Variants in MMD2 observed in about 807,000 individuals in gnomAD.
MMD2 encodes monocyte to macrophage differentiation factor 2.
Under a neutral mutation model 33.5 loss-of-function variants are expected in MMD2, and 30 were observed. The observed-to-expected ratio is 0.90, with a 90% CI of 0.67 to 1.22. MMD2 has a LOEUF of 1.22. Ranked by LOEUF, MMD2 falls within the 50% of genes most tolerant of loss-of-function variation. MMD2 has a pLI of 0.00. For missense variants in MMD2, 364 were observed against 325.4 expected, an observed-to-expected ratio of 1.12 and a Z score of -0.91; for synonymous variants, 129 against 123.0, an observed-to-expected ratio of 1.05 and a Z score of -0.32.
the MMD2 span, among the ~76,000 whole-genome samples, chr7:4,899,235 C>T: frequency 6.6e-6 from 1 of 152,086 alleles, no homozygotes; most frequent in Non-Finnish European, 1.5e-5. Flanking sequence ...GAAATAAATT[C>T]CTGTTGTTTA....
At position 4,914,506 on chromosome 7, in the gene MMD2, GGTTT is replaced by G. The variant is rs1392130520; in HGVS notation, c.365+1495_365+1498del. On this transcript the variant is annotated intron_variant, in intron 4 of 6. Coordinates refer to ENST00000401401, the MANE Select transcript of MMD2 (RefSeq NM_198403.4). ...AACCTTCAATATTTATTTGGTTTTCGGTTTGTTTGTTTTTGTCCCCAACAAAGAG... is the reference window on the plus strand; with the variant it reads ...AACCTTCAATATTTATTTGGTTTTCGGTTTGTTTTTGTCCCCAACAAAGAG... Among the ~76,000 whole-genome samples, 5 of 152,118 alleles carry G rather than the reference GGTTT, an allele frequency of 3.3e-5. No individual in the cohort carries two copies. The South Asian group carries it at 1.0e-3, about 32-fold the overall frequency.
At chr7:4,920,363 A>G (rs754572589) in intron 2 of MMD2, 32 bp from the exon 3 acceptor site, 28 of 1,592,496 alleles carry the variant, frequency 1.8e-5, no homozygotes, top group Non-Finnish European at 2.4e-5. Flanking sequence ...GGACAGGTGC[A>G]GCAGCTGGGT....
At chr7:4,895,247 T>C in the MMD2 span, among the ~76,000 whole-genome samples, 13 of 152,188 alleles carry the variant, frequency 8.5e-5, no homozygotes, top group Non-Finnish European at 1.5e-5. Flanking sequence ...TGGCTAATTT[T>C]TGTATTTTTA....
chr7:4,926,209 C>T lies in MMD2; in HGVS notation c.48-677G>A, dbSNP rs368756296. Among the ~76,000 whole-genome samples, 518 of 151,844 alleles carry T rather than the reference C, an allele frequency of 3.4e-3. 3 individuals carry two copies. The highest frequency in any genetic ancestry group is 0.012 in the African/African-American group (478 of 41,414). On this transcript the variant is annotated intron_variant, in intron 1 of 6. Coordinates refer to ENST00000401401, the MANE Select transcript of MMD2 (RefSeq NM_198403.4). ...ACCTCCTGGGCTCAAGTGATCCTCCCGCCTCAGCCTCCTGAGATGCTGGGA... is the reference window on the plus strand; with the variant it reads ...ACCTCCTGGGCTCAAGTGATCCTCCTGCCTCAGCCTCCTGAGATGCTGGGA...
chr7:4,912,966 A>G (rs951251573), intron 4 of MMD2, among the ~76,000 whole-genome samples: 6 of 152,170 alleles, frequency 3.9e-5, no homozygotes, highest in Admixed American at 3.3e-4. Context: ...GGCCTGCCAA[A>G]GTGCTGGGAT....
chr7:4,955,235 A>G (rs895475862), intron 1 of MMD2, among the ~76,000 whole-genome samples: 2 of 152,186 alleles, frequency 1.3e-5, no homozygotes, highest in African/African-American at 4.8e-5. Flanking sequence ...GCCATGCACC[A>G]ACACCATACT....
chr7:4,903,462 G>C (rs1253541022), downstream of MMD2, among the ~76,000 whole-genome samples: 2 of 152,028 alleles, frequency 1.3e-5, no homozygotes, highest in African/African-American at 4.8e-5. Context: ...AAAGGAGAAG[G>C]CTCAACGCCA....
Position 4,945,599 on chromosome 7 carries a change from A to C in MMD2, c.47+13372T>G, listed in dbSNP as rs370488214. Among the ~76,000 whole-genome samples, 5 of 141,918 alleles carry C rather than the reference A, an allele frequency of 3.5e-5. No homozygotes were observed. The South Asian group carries it at 9.1e-4, about 26-fold the overall frequency. The allele number at this position is 141,918 out of a possible 152,430, so 93.1% of individuals were successfully genotyped here. A position where few individuals can be genotyped will look rare whatever the true frequency, so the allele number is the denominator to read the frequency against. On this transcript the variant is annotated intron_variant, in intron 1 of 6. Coordinates refer to ENST00000401401, the MANE Select transcript of MMD2 (RefSeq NM_198403.4). ...CCCTTTCTCCCTTCCTTTCCTTTGG[A>C]GATCTCACTCTGCCGCCCAGGCTGG...
intron 4 of MMD2, among the ~76,000 whole-genome samples, chr7:4,915,571 C>G (rs1004147260): frequency 5.9e-5 from 9 of 151,922 alleles, no homozygotes; most frequent in Non-Finnish European, 8.8e-5. Context: ...GAAACCCCGT[C>G]TCTACTAAAA....
chr7:4,897,272 T>A, the MMD2 span, among the ~76,000 whole-genome samples: 1 of 146,032 alleles, frequency 6.8e-6, no homozygotes, highest in South Asian at 2.2e-4. Context: ...GAGTGAGACA[T>A]CTTGATTTTT....
At chr7:4,898,831 A>G in the MMD2 span, among the ~76,000 whole-genome samples, 2 of 152,112 alleles carry the variant, frequency 1.3e-5, no homozygotes, top group Non-Finnish European at 2.9e-5. Context: ...CCTAGGAGGC[A>G]GAGGTTGCAG....
chr7:4,935,049 G>A (rs527829417), intron 1 of MMD2, among the ~76,000 whole-genome samples: 2 of 152,240 alleles, frequency 1.3e-5, no homozygotes, highest in South Asian at 2.1e-4. Context: ...AGCCAGGCAT[G>A]GTGGCGCACA....
At chr7:4,948,787 T>C (rs745902836) in intron 1 of MMD2, among the ~76,000 whole-genome samples, 86 of 152,292 alleles carry the variant, frequency 5.6e-4, no homozygotes, top group Non-Finnish European at 1.1e-3. Context: ...AATACATTTT[T>C]GTGTTTTTTT....
chr7:4,902,975 T>C (rs1364240863), downstream of MMD2, among the ~76,000 whole-genome samples: 2 of 152,174 alleles, frequency 1.3e-5, no homozygotes, highest in African/African-American at 4.8e-5. Flanking sequence ...TGGTGGCTCA[T>C]GCCTATAATC....
chr7:4,910,207 C>T (rs1784971766), intron 5 of MMD2, among the ~76,000 whole-genome samples: 1 of 152,134 alleles, frequency 6.6e-6, no homozygotes. Flanking sequence ...GGTGCCAGAG[C>T]AGGGATTACA....
At position 4,946,800 on chromosome 7, in the gene MMD2, T is replaced by C. The variant is rs1444557086; in HGVS notation, c.47+12171A>G. ...AAGCTGGAGTGCAGTGGTGCAATCA[T>C]AGCTCACTGCAGCCTCGAATTCCTG... is the stretch of plus-strand genomic sequence containing the variant. On this transcript the variant is annotated intron_variant, in intron 1 of 6. Coordinates refer to ENST00000401401, the MANE Select transcript of MMD2 (RefSeq NM_198403.4). The surrounding 1 kb of genome is among the most constrained non-coding windows in gnomAD (Gnocchi z 5.0). 6.6e-6 allele frequency among the ~76,000 whole-genome samples: 1 copy of C among 152,048 alleles called. No individual in the cohort carries two copies.
chr7:4,958,937 T>G, intron 1 of MMD2, 34 bp downstream of exon 1: 1 of 1,092,140 alleles, frequency 9.2e-7, no homozygotes, highest in Non-Finnish European at 1.2e-6. Flanking sequence ...CGCCCCTCCC[T>G]CCCTCCCCGC....
rs1784868585 is a variant in MMD2, at chr7:4,906,431, TC to T, written c.*964del. 7.5e-6 allele frequency: 3 copies of T among 398,556 alleles called. No individual in the cohort carries two copies. The highest frequency in any genetic ancestry group is 6.3e-4 in the Middle Eastern group (1 of 1,588). The allele number at this position is 398,556 out of a possible 1,614,324, so 24.7% of individuals were successfully genotyped here. The stretch of plus-strand genomic sequence containing the variant: ...GCCACTGATTGGCACCAAGAGAGAA[TC>T]CAAATGTTGGCATCACAAACCTTAA... On this transcript the variant is annotated 3_prime_UTR_variant, in exon 7 of 7. Coordinates refer to ENST00000401401, the MANE Select transcript of MMD2 (RefSeq NM_198403.4).
At chr7:4,930,143 A>G (rs531933843) in intron 1 of MMD2, among the ~76,000 whole-genome samples, 2 of 151,522 alleles carry the variant, frequency 1.3e-5, no homozygotes, top group Non-Finnish European at 1.5e-5. Context: ...GGTGGCGGGC[A>G]CCTGTAGTCC....
Sources: gnomAD v4.1 joint callset for allele counts (sites outside exome capture counted in the v4.1 genomes callset) on GRCh38, gnomAD v4.1.1 for gene constraint, Gnocchi (gnomAD v3.1) non-coding constraint, MANE v1.5 for transcripts, NCBI Gene and HGNC (gene_info 2026-07-23, HGNC 2026-07-21) for gene names.